GREB1L: variants seen among roughly 807,000 people sequenced by gnomAD.
GREB1L encodes the protein GREB1 like retinoic acid receptor coactivator.
In GREB1L, 17 loss-of-function variants were observed where a neutral mutation model predicts 200.8. That is an observed-to-expected ratio of 0.08 (90% CI 0.06 to 0.13). The LOEUF is 0.13. Ranked by LOEUF, GREB1L falls within the 10% of genes least tolerant of loss-of-function variation. The probability of loss-of-function intolerance (pLI) is 1.00; values close to 1 mark genes in which losing one functional copy is unlikely to be tolerated. For synonymous variants in GREB1L, 789 were observed against 893.0 expected (o/e 0.88, Z 2.08); for missense variants, 1,657 against 2,367.7 (o/e 0.70, Z 6.23).
chr18:21,374,808 ATATATT>A (rs1482123903), intron 2 of GREB1L, among the ~76,000 whole-genome samples: 1 of 151,606 alleles, frequency 6.6e-6, no homozygotes, highest in Non-Finnish European at 1.5e-5. Flanking sequence ...GTACTTGAAA[ATATATT>A]TATACTTAAT....
chr18:21,517,518 C>G (rs2037462540), intron 30 of GREB1L, among the ~76,000 whole-genome samples: 1 of 152,134 alleles, frequency 6.6e-6, no homozygotes, highest in South Asian at 2.1e-4. Context: ...TTATGTAATA[C>G]ATGAGAGAAA....
At chr18:21,516,885 T>TG in intron 30 of GREB1L, 131 bp downstream of exon 30, 3 of 911,044 alleles carry the variant, frequency 3.3e-6, no homozygotes, top group Non-Finnish European at 4.8e-6. Context: ...GAGTTTTTTT[T>TG]TTTTTTTTTT....
At chr18:21,407,302 G>T (rs72881387) in intron 7 of GREB1L, among the ~76,000 whole-genome samples, 54,679 of 152,170 alleles carry the variant, frequency 0.36, 14,471 homozygotes, top group African/African-American at 0.72. Flanking sequence ...CATACACATA[G>T]ATGATGTTTA....
intron 1 of GREB1L, among the ~76,000 whole-genome samples, chr18:21,301,502 G>C (rs1472923415): frequency 6.6e-6 from 1 of 152,184 alleles, no homozygotes; most frequent in East Asian, 1.9e-4. Flanking sequence ...TCAATAAATG[G>C]AAAGCATTTG....
chr18:21,506,725 G>A (rs1011807505), intron 25 of GREB1L, among the ~76,000 whole-genome samples: 1 of 151,822 alleles, frequency 6.6e-6, no homozygotes, highest in Non-Finnish European at 1.5e-5. Flanking sequence ...TCACACCTGC[G>A]TGGGGTGGCT....
In GREB1L at chr18:21,524,258, A is replaced by G. The variant is rs1460602340; in HGVS notation, c.*1437A>G. 3 of 152,210 alleles carry G rather than the reference A, an allele frequency of 2.0e-5. No individual in the cohort carries two copies. Among genetic ancestry groups the G allele is most frequent in the East Asian group, 3.8e-4 (2 of 5,198 alleles). The allele number at this position is 152,210 out of a possible 1,614,324, so 9.4% of individuals were successfully genotyped here. On this transcript the variant is annotated 3_prime_UTR_variant, in exon 33 of 33. Transcript: ENST00000424526. ...GTTAATTGACCAGCTTTATTATCTT[A>G]TGACAACAAGGAGTTTACAAAGCTA...
intron 11 of GREB1L, among the ~76,000 whole-genome samples, chr18:21,447,733 C>T (rs772462065): frequency 6.6e-6 from 1 of 152,144 alleles, no homozygotes; most frequent in African/African-American, 2.4e-5. Flanking sequence ...CCACTTTGAG[C>T]TCACTGAAAA....
At chr18:21,366,755 C>T (rs1330669348) in intron 2 of GREB1L, among the ~76,000 whole-genome samples, 2 of 151,958 alleles carry the variant, frequency 1.3e-5, no homozygotes, top group Non-Finnish European at 2.9e-5. Flanking sequence ...TTACAATGTG[C>T]TTAAATAGCC....
intron 15 of GREB1L, among the ~76,000 whole-genome samples, chr18:21,468,237 C>T (rs185177579): frequency 2.0e-4 from 31 of 152,158 alleles, no homozygotes; most frequent in Admixed American, 1.2e-3. Context: ...CATACTACAA[C>T]GTGGATGAAA....
chr18:21,325,743 G>A (rs1364492940), intron 1 of GREB1L, among the ~76,000 whole-genome samples: 3 of 146,808 alleles, frequency 2.0e-5, no homozygotes, highest in Non-Finnish European at 4.5e-5. Context: ...GAGCCTAGAG[G>A]TTGAGGCTGC....
intron 1 of GREB1L, among the ~76,000 whole-genome samples, chr18:21,351,470 G>A (rs2039432136): frequency 6.6e-6 from 1 of 152,048 alleles, no homozygotes; most frequent in African/African-American, 2.4e-5. Flanking sequence ...CTCTTCGGGA[G>A]GCTGAGGCAG....
At chr18:21,366,762 A>G (rs2039694742) in intron 2 of GREB1L, among the ~76,000 whole-genome samples, 1 of 152,102 alleles carries the variant, frequency 6.6e-6, no homozygotes, top group South Asian at 2.1e-4. Context: ...GTGCTTAAAT[A>G]GCCTGGCATT....
At chr18:21,318,018 G>T (rs1221440061) in intron 1 of GREB1L, among the ~76,000 whole-genome samples, 2 of 151,442 alleles carry the variant, frequency 1.3e-5, no homozygotes. Flanking sequence ...TGAAGCAGGG[G>T]AATTGCTTGA....
At chr18:21,308,639 C>T (rs1158782492) in intron 1 of GREB1L, among the ~76,000 whole-genome samples, 1 of 152,236 alleles carries the variant, frequency 6.6e-6, no homozygotes, top group Non-Finnish European at 1.5e-5. Flanking sequence ...CTCACTCTCA[C>T]TCCGTGATTT....
intron 19 of GREB1L, among the ~76,000 whole-genome samples, chr18:21,495,016 A>G (rs1433236898): frequency 6.6e-6 from 1 of 152,124 alleles, no homozygotes; most frequent in Non-Finnish European, 1.5e-5. Context: ...CAATTACATT[A>G]CCCCTCCAAA....
Position 21,308,972 on chromosome 18 carries a change from G to C in GREB1L, c.-119-57055G>C, listed in dbSNP as rs548732234. ...TGACCATTTCCTGAGTTCATAACAG[G>C]ACCTCTTTTGTGCCTTCGTCTCTTT... On this transcript the variant is annotated intron_variant, in intron 1 of 32. Transcript: ENST00000424526. Among the ~76,000 whole-genome samples the C allele has an allele frequency of 4.6e-5, 7 of 152,294 alleles. No homozygotes were observed. In the East Asian group the frequency reaches 9.7e-4, roughly 21 times the overall value.
intron 15 of GREB1L, among the ~76,000 whole-genome samples, chr18:21,459,366 A>G (rs1168858584): frequency 1.4e-5 from 2 of 142,636 alleles, no homozygotes; most frequent in African/African-American, 5.3e-5. Context: ...GCTCACTGCA[A>G]CCTCCGCCCT....
intron 1 of GREB1L, among the ~76,000 whole-genome samples, chr18:21,311,151 C>T (rs2038783639): frequency 6.6e-6 from 1 of 152,178 alleles, no homozygotes; most frequent in African/African-American, 2.4e-5. Context: ...AAGGACTAAG[C>T]CGAAGTTACA....
chr18:21,345,898 A>G (rs530140173), intron 1 of GREB1L, among the ~76,000 whole-genome samples: 82 of 151,634 alleles, frequency 5.4e-4, no homozygotes, highest in African/African-American at 1.9e-3. Flanking sequence ...AAGTACTTAC[A>G]GGGTATTCTG....
Sources: allele counts gnomAD v4.1 joint callset (sites outside exome capture counted in the v4.1 genomes callset), GRCh38; gene constraint gnomAD v4.1.1; transcripts MANE v1.5; gene names NCBI Gene and HGNC (gene_info 2026-07-23, HGNC 2026-07-21).